The following KCNQ3 variants were observed in gnomAD, a reference collection of about 807,000 sequenced individuals.
KCNQ3 encodes the protein potassium voltage-gated channel subfamily KQT member 3.
A neutral mutation model predicts 92.5 loss-of-function variants in KCNQ3; 30 were observed. The ratio of observed to expected loss-of-function variants is 0.32; its 90% confidence interval spans 0.24 to 0.44. The LOEUF (loss-of-function observed/expected upper bound fraction) is 0.44. KCNQ3 is among the 20% of genes least tolerant of loss of function. The pLI is 1.00. For missense variants in KCNQ3, 913 were observed against 1,140.3 expected (o/e 0.80, Z 2.87); for synonymous variants, 450 against 468.8 (o/e 0.96, Z 0.52).
rs1248645665 is a variant in KCNQ3 at position 132,124,151 on chromosome 8, G to A, written c.*5111C>T. ...CTCTCTTCATTCCAAGATTCCTTCT[G>A]TTCTTTATTGTGGTAGACAAGAGCA... On this transcript the variant is annotated 3_prime_UTR_variant, in exon 15 of 15. Coordinates refer to ENST00000388996, the MANE Select transcript of KCNQ3 (RefSeq NM_004519.4). 1 of 152,124 alleles carries A rather than the reference G, an allele frequency of 6.6e-6. No individual in the cohort carries two copies. The highest frequency in any genetic ancestry group is 1.9e-4 in the East Asian group (1 of 5,196). The allele number at this position is 152,124 out of a possible 1,614,324, so 9.4% of individuals were successfully genotyped here. A position where few individuals can be genotyped will look rare whatever the true frequency, so the allele number is the denominator to read the frequency against.
intron 1 of KCNQ3, among the ~76,000 whole-genome samples, chr8:132,316,431 G>T (rs1248127237): frequency 6.6e-6 from 1 of 152,138 alleles, no homozygotes; most frequent in Non-Finnish European, 1.5e-5. Flanking sequence ...TCTGTGACTT[G>T]GGGCAAGATC....
chr8:132,432,516 T>C (rs1821279929), intron 1 of KCNQ3, among the ~76,000 whole-genome samples: 1 of 152,164 alleles, frequency 6.6e-6, no homozygotes, highest in African/African-American at 2.4e-5. Context: ...TCCAGTATAA[T>C]AGCTTCACTA....
At chr8:132,132,862 T>A (rs555898308) in intron 13 of KCNQ3, among the ~76,000 whole-genome samples, 1 of 152,364 alleles carries the variant, frequency 6.6e-6, no homozygotes, top group East Asian at 1.9e-4. Context: ...TTCAACATTT[T>A]TATTTTTTTT....
chr8:132,299,313 C>A (rs1006215211), intron 1 of KCNQ3, among the ~76,000 whole-genome samples: 11 of 152,026 alleles, frequency 7.2e-5, no homozygotes, highest in South Asian at 2.1e-4. Flanking sequence ...ATTTTCCCCC[C>A]AAAAATTGTT....
intron 1 of KCNQ3, among the ~76,000 whole-genome samples, chr8:132,206,181 G>C (rs1160626780): frequency 1.3e-5 from 2 of 152,136 alleles, no homozygotes; most frequent in Non-Finnish European, 2.9e-5. Context: ...CTACGATCTA[G>C]AGCACCTGCT....
intron 1 of KCNQ3, among the ~76,000 whole-genome samples, chr8:132,325,025 C>A (rs1818002263): frequency 6.6e-6 from 1 of 150,916 alleles, no homozygotes; most frequent in Non-Finnish European, 1.5e-5. Flanking sequence ...TAAATCAGGG[C>A]AGCTTGTTCC....
At chr8:132,413,898 C>G (rs907319322) in intron 1 of KCNQ3, among the ~76,000 whole-genome samples, 2 of 152,196 alleles carry the variant, frequency 1.3e-5, no homozygotes, top group Non-Finnish European at 2.9e-5. Context: ...GCACGCCCAC[C>G]CATGACAAAT....
At chr8:132,298,251 C>A (rs1817107317) in intron 1 of KCNQ3, among the ~76,000 whole-genome samples, 1 of 152,204 alleles carries the variant, frequency 6.6e-6, no homozygotes, top group Admixed American at 6.5e-5. Flanking sequence ...ACTCCCTCTG[C>A]ATTCATGGGG....
chr8:132,211,655 T>C (rs1002909397), intron 1 of KCNQ3, among the ~76,000 whole-genome samples: 1 of 152,140 alleles, frequency 6.6e-6, no homozygotes, highest in Admixed American at 6.6e-5. Context: ...TTTTTTTTAT[T>C]TAAAAAATAT....
At chr8:132,425,963 T>C (rs118155225) in intron 1 of KCNQ3, among the ~76,000 whole-genome samples, 1 of 152,326 alleles carries the variant, frequency 6.6e-6, no homozygotes, top group East Asian at 1.9e-4. Context: ...CAAAGGGAAA[T>C]TTTGAAGAAA....
chr8:132,385,197 A>G (rs1471636968), intron 1 of KCNQ3, among the ~76,000 whole-genome samples: 1 of 152,240 alleles, frequency 6.6e-6, no homozygotes, highest in Non-Finnish European at 1.5e-5. Context: ...CCAGCTTCAG[A>G]GATTGCGTGA....
chr8:132,229,082 C>T (rs149249038), intron 1 of KCNQ3, among the ~76,000 whole-genome samples: 9,636 of 152,056 alleles, frequency 0.063, 414 homozygotes, highest in Admixed American at 0.12. Flanking sequence ...GGTGAAACCC[C>T]GTCTCTACTA....
chr8:132,132,287 A>T, intron 13 of KCNQ3, 23 bp from the exon 14 acceptor site: 1 of 1,572,622 alleles, frequency 6.4e-7, no homozygotes, highest in Non-Finnish European at 8.8e-7. Context: ...GAACACTTCT[A>T]TAAGATCATT....
At chr8:132,290,246 A>G (rs1019800516) in intron 1 of KCNQ3, among the ~76,000 whole-genome samples, 1 of 152,224 alleles carries the variant, frequency 6.6e-6, no homozygotes, top group Non-Finnish European at 1.5e-5. Context: ...CATGTCTTGT[A>G]TTCCTTGAGG....
chr8:132,237,385 A>T (rs547779365), intron 1 of KCNQ3, among the ~76,000 whole-genome samples: 1 of 152,314 alleles, frequency 6.6e-6, no homozygotes, highest in South Asian at 2.1e-4. Flanking sequence ...TCTCATACCA[A>T]CATTTACAAG....
At chr8:132,213,459 T>G (rs1813928232) in intron 1 of KCNQ3, among the ~76,000 whole-genome samples, 1 of 152,184 alleles carries the variant, frequency 6.6e-6, no homozygotes, top group African/African-American at 2.4e-5. Context: ...GTTTTCCCAG[T>G]TTGGCAGGAC....
intron 12 of KCNQ3, among the ~76,000 whole-genome samples, chr8:132,135,449 C>CCTTGGAAACCCAG (rs1198198309): frequency 6.6e-6 from 1 of 152,058 alleles, no homozygotes; most frequent in Non-Finnish European, 1.5e-5. Flanking sequence ...TCCGTCTCCT[C>CCTTGGAAACCCAG]CTTGGAAACC....
chr8:132,457,055 G>A (rs1563918654), intron 1 of KCNQ3, among the ~76,000 whole-genome samples: 2 of 152,070 alleles, frequency 1.3e-5, no homozygotes, highest in African/African-American at 2.4e-5. Flanking sequence ...GCCTTAGGCA[G>A]TCACGGCCTT....
rs1462907135 is a variant in KCNQ3 at position 132,124,217 on chromosome 8, T to G, written c.*5045A>C. On this transcript the variant is annotated 3_prime_UTR_variant, in exon 15 of 15. Coordinates refer to ENST00000388996, the MANE Select transcript of KCNQ3 (RefSeq NM_004519.4). ...AGAGATGTACTTATTTAAAAAGCAA[T>G]TGTGAAAGCATTTGATTTAATAATT... The G allele has an allele frequency of 6.6e-6, 1 of 152,204 alleles. No individual in the cohort carries two copies. The highest frequency in any genetic ancestry group is 1.5e-5 in the Non-Finnish European group (1 of 68,040). The allele number at this position is 152,204 out of a possible 1,614,324, so 9.4% of individuals were successfully genotyped here. A position where few individuals can be genotyped will look rare whatever the true frequency, so the allele number is the denominator to read the frequency against.
Sources: allele counts gnomAD v4.1 joint callset (sites outside exome capture counted in the v4.1 genomes callset), GRCh38; gene constraint gnomAD v4.1.1; transcripts MANE v1.5; gene names NCBI Gene and HGNC (gene_info 2026-07-23, HGNC 2026-07-21).